RPS6KA4: variants seen among roughly 807,000 people sequenced by gnomAD.
The protein encoded by RPS6KA4 is ribosomal protein S6 kinase alpha-4.
In RPS6KA4, 38 loss-of-function variants were observed where a neutral mutation model predicts 89.6. The observed-to-expected ratio is 0.42, with a 90% CI of 0.33 to 0.56. The LOEUF (loss-of-function observed/expected upper bound fraction) is 0.56. RPS6KA4 is among the 20% of genes least tolerant of loss of function. RPS6KA4 has a pLI of 0.07. For missense variants in RPS6KA4, 873 were observed against 1,098.8 expected, an observed-to-expected ratio of 0.79 and a Z score of 2.90; for synonymous variants, 495 against 492.8, an observed-to-expected ratio of 1.00 and a Z score of -0.06.
At chr11:64,367,653 C>T (rs1244124158) in intron 9 of RPS6KA4, among the ~76,000 whole-genome samples, 2 of 152,198 alleles carry the variant, frequency 1.3e-5, no homozygotes, top group African/African-American at 4.8e-5. Context: ...CCTCAAATTG[C>T]CAGGACATGG....
intron 8 of RPS6KA4, among the ~76,000 whole-genome samples, chr11:64,364,668 C>A (rs1362834663): frequency 6.6e-6 from 1 of 151,664 alleles, no homozygotes; most frequent in African/African-American, 2.4e-5. Context: ...GGGTCCCCAG[C>A]AGTTCCAGAC....
chr11:64,362,037 CA>C, intron 8 of RPS6KA4, 35 bp downstream of exon 8: 1 of 1,578,638 alleles, frequency 6.3e-7, no homozygotes, highest in South Asian at 1.2e-5. Flanking sequence ...CCTCCTGGTG[CA>C]TACCCAGGTG....
At position 64,369,592 on chromosome 11, in the gene RPS6KA4, C is replaced by G; in HGVS notation, c.1575C>G (p.Gly525=). ...TGAGCTTCATGCACGAGGAGGCGGG[C>G]GTGGTGCACCGCGACCTCAAGCCGG... ...SAVSFMHEEA[G]VVHRDLKPEN... Residue 525 remains glycine (G), a synonymous_variant, in exon 13 of 17, where the codon GGC becomes GGG. Coordinates refer to ENST00000334205, the MANE Select transcript of RPS6KA4 (RefSeq NM_003942.3). 1 of 1,604,448 alleles carries G rather than the reference C, an allele frequency of 6.2e-7. No individual in the cohort carries two copies. Among genetic ancestry groups the G allele is most frequent in the South Asian group, 1.1e-5 (1 of 90,194 alleles).
rs1379312789 is a variant in RPS6KA4, at chr11:64,371,788, C to A, written c.*308C>A. 3.4e-6 allele frequency: 1 copy of A among 295,414 alleles called. No homozygotes were observed. The highest frequency in any genetic ancestry group is 6.9e-5 in the East Asian group (1 of 14,534). 18.3% of individuals were successfully genotyped at this position (295,414 alleles called of 1,614,324 possible). On this transcript the variant is annotated 3_prime_UTR_variant, in exon 17 of 17. Coordinates refer to ENST00000334205, the MANE Select transcript of RPS6KA4 (RefSeq NM_003942.3). ...ACTGCTCCAACAGGAAAGAGCCCCT[C>A]CCCCACTTCTAAGCACTGAGTTAGG...
chr11:64,359,811 C>G, intron 2 of RPS6KA4: 2 of 531,310 alleles, frequency 3.8e-6, no homozygotes, highest in Non-Finnish European at 6.7e-6. Flanking sequence ...GCATCCCTTC[C>G]CCAGCCAGGT....
Position 64,371,276 on chromosome 11 carries a change from C to A in RPS6KA4, c.2122-7C>A. ...GGTGGGGGCACTCACCCTTTCCTTT[C>A]TGCCAGGCATTCAACCGGGGCAAGC... On this transcript the variant is annotated splice_polypyrimidine_tract_variant and splice_region_variant and intron_variant, in intron 16 of 16. Coordinates refer to ENST00000334205, the MANE Select transcript of RPS6KA4 (RefSeq NM_003942.3). The A allele has an allele frequency of 6.2e-7, 1 of 1,612,412 alleles. No homozygotes were observed.
At chr11:64,363,363 C>T (rs546033044) in intron 8 of RPS6KA4, among the ~76,000 whole-genome samples, 33 of 152,252 alleles carry the variant, frequency 2.2e-4, no homozygotes, top group African/African-American at 7.2e-4. Context: ...CAGTGAATTC[C>T]GTAAGCCCAC....
intron 10 of RPS6KA4, 51 bp from the exon 11 acceptor site, chr11:64,368,417 G>A: frequency 1.3e-6 from 2 of 1,543,638 alleles, no homozygotes; most frequent in Non-Finnish European, 1.7e-6. Context: ...GGGCTACCAG[G>A]TGGGACCTCT....
chr11:64,367,877 G>C (rs545194751), intron 9 of RPS6KA4, among the ~76,000 whole-genome samples: 2 of 152,286 alleles, frequency 1.3e-5, no homozygotes, highest in Non-Finnish European at 2.9e-5. Flanking sequence ...TTGGCACCTG[G>C]GGAGGAATAA....
chr11:64,368,677 C>G, intron 11 of RPS6KA4, 27 bp from the exon 12 acceptor site: 1 of 1,574,936 alleles, frequency 6.3e-7, no homozygotes, highest in Non-Finnish European at 8.6e-7. Flanking sequence ...GCGCGGCGAC[C>G]GTAACTCCTT....
rs1374892443 is a variant in RPS6KA4, at chr11:64,360,403, A to G, written c.346+22A>G. On this transcript the variant is annotated intron_variant, in intron 3 of 16. Coordinates refer to ENST00000334205, the MANE Select transcript of RPS6KA4 (RefSeq NM_003942.3). Reference sequence around the variant, plus strand: ...CTGGGTGAGCGCACACCACATCCCAACGGGGTTGGGGTGGCTGGGGGCAGG... The same window carrying G: ...CTGGGTGAGCGCACACCACATCCCAGCGGGGTTGGGGTGGCTGGGGGCAGG... 1.3e-5 allele frequency: 21 copies of G among 1,558,792 alleles called. No individual in the cohort carries two copies. In the East Asian group the frequency reaches 5.1e-4, roughly 38 times the overall value.
At chr11:64,360,106 A>G (rs1291659977) in intron 2 of RPS6KA4, 57 bp from the exon 3 acceptor site, 2 of 1,487,656 alleles carry the variant, frequency 1.3e-6, no homozygotes, top group Non-Finnish European at 1.8e-6. Context: ...CCACCCCCCA[A>G]GCCTGCACCA....
rs1400182905 is a variant in RPS6KA4 at position 64,370,538 on chromosome 11, C to G, written c.1958-25C>G. 6.3e-7 allele frequency: 1 copy of G among 1,590,256 alleles called. No individual in the cohort carries two copies. The highest frequency in any genetic ancestry group is 8.5e-7 in the Non-Finnish European group (1 of 1,172,660). ...CTCAGCCTTTACGCCAGGCTCCTCCCCACACTTCCTTGCCCCGCCTCCAGG... is the reference window on the plus strand; with the variant it reads ...CTCAGCCTTTACGCCAGGCTCCTCCGCACACTTCCTTGCCCCGCCTCCAGG... On this transcript the variant is annotated intron_variant, in intron 15 of 16. Transcript: ENST00000334205. The surrounding 1 kb of genome is among the most constrained non-coding windows in gnomAD (Gnocchi z 4.1).
chr11:64,366,421 G>A (rs1026669411), intron 9 of RPS6KA4, among the ~76,000 whole-genome samples: 4 of 152,048 alleles, frequency 2.6e-5, no homozygotes, highest in East Asian at 1.9e-4. Flanking sequence ...CGCCCACCTC[G>A]GCCTCCCAAA....
intron 12 of RPS6KA4, 99 bp from the exon 13 acceptor site, chr11:64,369,347 C>A: frequency 7.7e-7 from 1 of 1,305,498 alleles, no homozygotes. Context: ...GGTTCTCGAA[C>A]ATTGGCAGGG....
At chr11:64,359,601 G>T in intron 2 of RPS6KA4, 152 bp downstream of exon 2, 2 of 747,142 alleles carry the variant, frequency 2.7e-6, no homozygotes, top group South Asian at 3.5e-5. Context: ...CCTCGCCAGA[G>T]TTTGCATGCC....
chr11:64,368,445 T>C, intron 10 of RPS6KA4, 23 bp from the exon 11 acceptor site: 1 of 1,545,276 alleles, frequency 6.5e-7, no homozygotes, highest in Non-Finnish European at 8.7e-7. Flanking sequence ...CGCCTTCGCC[T>C]TCGCCTTCGC....
At position 64,361,217 on chromosome 11, in the gene RPS6KA4, G is replaced by C. The variant is rs2036737814; in HGVS notation, c.546G>C (p.Leu182=). ...ACATTGTCCTCACGGACTTCGGGCT[G>C]AGCAAGGAGTTCCTGACGGAGGAGG... ...EGHIVLTDFG[L]SKEFLTEEKE... is the part of the protein sequence containing the mutation. Residue 182 remains leucine, a synonymous_variant, in exon 5 of 17, where the codon CTG becomes CTC. Transcript: ENST00000334205. This position sits in a 1 kb window ranked among gnomAD's most constrained non-coding sequence, Gnocchi z 4.7. 1 of 1,613,316 alleles carries C rather than the reference G, an allele frequency of 6.2e-7. No homozygotes were observed. Among genetic ancestry groups the C allele is most frequent in the Non-Finnish European group, 8.5e-7 (1 of 1,179,978 alleles).
In RPS6KA4 at chr11:64,361,046, G is replaced by A. The variant is rs771346248; in HGVS notation, c.463-88G>A. The A allele has an allele frequency of 1.6e-4, 170 of 1,060,276 alleles. No homozygotes were observed. Among genetic ancestry groups the A allele is most frequent in the Non-Finnish European group, 2.3e-4 (166 of 722,680 alleles). 65.7% of individuals were successfully genotyped at this position (1,060,276 alleles called of 1,614,324 possible). ...ACAGGCAGATGACTTTCTCTGGGGG[G>A]TCTCCTTATCCTGAGCAGGGCCAGG... On this transcript the variant is annotated intron_variant, in intron 4 of 16. Transcript: ENST00000334205. The surrounding 1 kb of genome is among the most constrained non-coding windows in gnomAD (Gnocchi z 4.7).
Sources: allele counts gnomAD v4.1 joint callset (sites outside exome capture counted in the v4.1 genomes callset), GRCh38; gene constraint gnomAD v4.1.1; non-coding constraint Gnocchi (gnomAD v3.1); transcripts MANE v1.5; gene names NCBI Gene and HGNC (gene_info 2026-07-23, HGNC 2026-07-21).